Variants in SLIT2 observed in about 807,000 individuals in gnomAD.
SLIT2 encodes slit guidance ligand 2.
A neutral mutation model predicts 185.7 loss-of-function variants in SLIT2; 41 were observed. The ratio of observed to expected loss-of-function variants is 0.22; its 90% confidence interval spans 0.17 to 0.29. The LOEUF (loss-of-function observed/expected upper bound fraction) is 0.29. SLIT2 is among the 10% of genes least tolerant of loss of function. SLIT2 has a pLI of 1.00. For synonymous variants in SLIT2, 693 were observed against 680.2 expected, an observed-to-expected ratio of 1.02 and a Z score of -0.29; for missense variants, 1,571 against 1,909.0, an observed-to-expected ratio of 0.82 and a Z score of 3.30.
chr4:20,487,149 C>A (rs1376843932), intron 7 of SLIT2, among the ~76,000 whole-genome samples: 1 of 151,792 alleles, frequency 6.6e-6, no homozygotes, highest in African/African-American at 2.4e-5. Flanking sequence ...CTAGGTAATA[C>A]CAATTTTAAT....
At chr4:20,542,775 G>A in intron 21 of SLIT2, 149 bp downstream of exon 21, 1 of 752,932 alleles carries the variant, frequency 1.3e-6, no homozygotes, top group Non-Finnish European at 2.0e-6. Context: ...TGGTAAATAA[G>A]TAATGCAAAA....
At chr4:20,471,702 T>C (rs1040907686) in intron 5 of SLIT2, among the ~76,000 whole-genome samples, 1 of 152,206 alleles carries the variant, frequency 6.6e-6, no homozygotes, top group Non-Finnish European at 1.5e-5. Context: ...TTTGCTTTAA[T>C]CTTGTGGATT....
chr4:20,586,631 G>A (rs964359152), intron 29 of SLIT2, among the ~76,000 whole-genome samples: 1 of 152,156 alleles, frequency 6.6e-6, no homozygotes, highest in South Asian at 2.1e-4. Context: ...AAACTGTTTA[G>A]CATACAGTAG....
intron 4 of SLIT2, among the ~76,000 whole-genome samples, chr4:20,462,350 T>C (rs1713822800): frequency 6.6e-6 from 1 of 152,300 alleles, no homozygotes; most frequent in Admixed American, 6.5e-5. Context: ...ATTTGCAGTA[T>C]CCTCTTAACA....
chr4:20,610,069 A>G lies in SLIT2; in HGVS notation c.3749A>G (p.Gln1250Arg). The change falls in exon 34 of 37, where the codon CAG (glutamine) becomes CGG (arginine). Residue 1250 changes from glutamine (Q) to arginine (R), a missense_variant. Physicochemically the swap from Gln to Arg is conservative, Grantham distance 43. Coordinates refer to ENST00000504154, the MANE Select transcript of SLIT2 (RefSeq NM_004787.4). ...FHIVELLALDQSLSLSVDGGN... is the reference protein window; with the variant it reads ...FHIVELLALDRSLSLSVDGGN... ...ATTGTGGAACTACTTGCCTTGGATC[A>G]GAGTCTCTCTTTGTCCGTGGATGGT... 6 of 1,613,808 alleles carry G rather than the reference A, an allele frequency of 3.7e-6. No homozygotes were observed. The highest frequency in any genetic ancestry group is 5.1e-6 in the Non-Finnish European group (6 of 1,179,742).
chr4:20,344,872 A>G (rs1366816098), intron 4 of SLIT2, among the ~76,000 whole-genome samples: 1 of 152,170 alleles, frequency 6.6e-6, no homozygotes, highest in African/African-American at 2.4e-5. Flanking sequence ...TTTTGTTTAA[A>G]TATGAAAGAT....
At chr4:20,497,124 G>A (rs1399704537) in intron 9 of SLIT2, among the ~76,000 whole-genome samples, 1 of 151,036 alleles carries the variant, frequency 6.6e-6, no homozygotes, top group Non-Finnish European at 1.5e-5. Flanking sequence ...CCCTATTATG[G>A]AGCTATATTA....
chr4:20,291,796 G>A (rs1715971196), intron 4 of SLIT2, among the ~76,000 whole-genome samples: 1 of 151,838 alleles, frequency 6.6e-6, no homozygotes, highest in South Asian at 2.1e-4. Context: ...GAGTGCCATG[G>A]TAGTTTCCAA....
At chr4:20,318,881 TA>T (rs1467453138) in intron 4 of SLIT2, among the ~76,000 whole-genome samples, 1 of 152,208 alleles carries the variant, frequency 6.6e-6, no homozygotes, top group African/African-American at 2.4e-5. Context: ...GACTTAGAAC[TA>T]AGGCTTCTTA....
At chr4:20,447,075 G>A (rs961065805) in intron 4 of SLIT2, among the ~76,000 whole-genome samples, 1 of 152,190 alleles carries the variant, frequency 6.6e-6, no homozygotes, top group Admixed American at 6.5e-5. Context: ...CTTGCCTCGA[G>A]GGTGTACCTT....
intron 4 of SLIT2, among the ~76,000 whole-genome samples, chr4:20,425,318 A>C (rs1441596565): frequency 1.3e-5 from 2 of 152,062 alleles, no homozygotes; most frequent in Admixed American, 1.3e-4. Flanking sequence ...ATTTTTAAAA[A>C]ACTCATTGTC....
chr4:20,498,710 G>T (rs1718447416), intron 9 of SLIT2, among the ~76,000 whole-genome samples: 4 of 152,198 alleles, frequency 2.6e-5, no homozygotes, highest in Admixed American at 6.5e-5. Flanking sequence ...TTTTTCAGGG[G>T]CTCCAGCTCC....
At chr4:20,363,146 T>A (rs749962879) in intron 4 of SLIT2, among the ~76,000 whole-genome samples, 4 of 152,076 alleles carry the variant, frequency 2.6e-5, no homozygotes, top group Non-Finnish European at 4.4e-5. Flanking sequence ...TTATAGTGAA[T>A]CTCATGAACA....
intron 4 of SLIT2, among the ~76,000 whole-genome samples, chr4:20,286,351 T>C (rs1456292486): frequency 6.6e-6 from 1 of 152,194 alleles, no homozygotes; most frequent in African/African-American, 2.4e-5. Flanking sequence ...TTCCCTTCCT[T>C]AGCTCCACTT....
At chr4:20,361,227 A>T (rs1219558882) in intron 4 of SLIT2, among the ~76,000 whole-genome samples, 1 of 151,744 alleles carries the variant, frequency 6.6e-6, no homozygotes, top group Non-Finnish European at 1.5e-5. Flanking sequence ...CTTCAACCAG[A>T]TTCACTTGAG....
intron 5 of SLIT2, among the ~76,000 whole-genome samples, chr4:20,479,961 T>C (rs2148776601): frequency 6.6e-6 from 1 of 152,306 alleles, no homozygotes; most frequent in South Asian, 2.1e-4. Flanking sequence ...TTAGCATCTT[T>C]TTAAAAAGCA....
intron 4 of SLIT2, chr4:20,393,554 T>C (rs948107619): frequency 4.6e-5 from 7 of 152,080 alleles, no homozygotes; most frequent in African/African-American, 1.2e-4. Context: ...TTCACCCTCT[T>C]GGTTGATTTA....
chr4:20,518,270 T>A (rs1720439737), intron 11 of SLIT2, among the ~76,000 whole-genome samples: 2 of 135,302 alleles, frequency 1.5e-5, no homozygotes, highest in African/African-American at 2.9e-5. Context: ...TTTTTTTTTT[T>A]GAGACAGAGT....
At chr4:20,401,021 A>C (rs1293478687) in intron 4 of SLIT2, among the ~76,000 whole-genome samples, 1 of 151,862 alleles carries the variant, frequency 6.6e-6, no homozygotes, top group African/African-American at 2.4e-5. Context: ...AAAGCTTGAA[A>C]ATATAAACAA....
Sources: allele counts gnomAD v4.1 joint callset (sites outside exome capture counted in the v4.1 genomes callset), GRCh38; gene constraint gnomAD v4.1.1; transcripts MANE v1.5; gene names NCBI Gene and HGNC (gene_info 2026-07-23, HGNC 2026-07-21).